ACVR1C: variants seen among roughly 807,000 people sequenced by gnomAD.
ACVR1C encodes the protein activin receptor type-1C.
Under a neutral mutation model 57.9 loss-of-function variants are expected in ACVR1C, and 23 were observed. The ratio of observed to expected loss-of-function variants is 0.40; its 90% CI spans 0.29 to 0.56. The LOEUF (loss-of-function observed/expected upper bound fraction) is 0.56, where lower values mean the gene tolerates loss of function less well. ACVR1C is among the 20% of genes least tolerant of loss of function. ACVR1C has a pLI of 0.50. For synonymous variants in ACVR1C, 214 were observed against 215.3 expected, an observed-to-expected ratio of 0.99 and a Z score of 0.05; for missense variants, 480 against 607.9, an observed-to-expected ratio of 0.79 and a Z score of 2.21.
intron 1 of ACVR1C, among the ~76,000 whole-genome samples, chr2:157,607,506 G>T (rs1196498221): frequency 6.6e-6 from 1 of 151,654 alleles, no homozygotes; most frequent in East Asian, 1.9e-4. Context: ...CTGTGAAAAT[G>T]ACATTAGTAT....
At chr2:157,603,180 A>G (rs1335754575) in intron 1 of ACVR1C, among the ~76,000 whole-genome samples, 2 of 152,234 alleles carry the variant, frequency 1.3e-5, no homozygotes, top group Non-Finnish European at 2.9e-5. Flanking sequence ...CAGATACATC[A>G]TCATCATAAA....
chr2:157,526,981 T>G lies in ACVR1C; in HGVS notation c.*6937A>C, dbSNP rs1317156414. The stretch of plus-strand genomic sequence containing the variant: ...TTAAAAAGCTTTAAAATAAATACTT[T>G]TATGACTTGCTGTTGGTAAAGTTAA... On this transcript the variant is annotated 3_prime_UTR_variant, in exon 9 of 9. Transcript: ENST00000243349. The G allele has an allele frequency of 6.6e-6, 1 of 152,180 alleles. No homozygotes were observed. Among genetic ancestry groups the G allele is most frequent in the Admixed American group, 6.6e-5 (1 of 15,262 alleles). 9.4% of individuals were successfully genotyped at this position (152,180 alleles called of 1,614,324 possible).
At chr2:157,575,410 G>A (rs1573930582) in intron 2 of ACVR1C, among the ~76,000 whole-genome samples, 1 of 152,306 alleles carries the variant, frequency 6.6e-6, no homozygotes, top group South Asian at 2.1e-4. Flanking sequence ...TGGGATTACA[G>A]GCTTCAGCCA....
chr2:157,619,059 CACTT>C, intron 1 of ACVR1C, among the ~76,000 whole-genome samples: 1 of 151,912 alleles, frequency 6.6e-6, no homozygotes, highest in Middle Eastern at 3.4e-3. Flanking sequence ...ACCTAAATGA[CACTT>C]ACAGAACACT....
intron 2 of ACVR1C, among the ~76,000 whole-genome samples, chr2:157,580,265 T>C (rs1007176848): frequency 1.3e-5 from 2 of 152,204 alleles, no homozygotes; most frequent in African/African-American, 4.8e-5. Flanking sequence ...AAGTCAATTA[T>C]ATCTTTCTTC....
intron 8 of ACVR1C, among the ~76,000 whole-genome samples, chr2:157,535,506 A>G (rs1169131023): frequency 2.6e-5 from 4 of 152,218 alleles, no homozygotes; most frequent in African/African-American, 9.6e-5. Context: ...AAAGTGAAAA[A>G]GTACCAATAA....
intron 1 of ACVR1C, among the ~76,000 whole-genome samples, chr2:157,627,053 A>T (rs1051241724): frequency 1.3e-5 from 2 of 152,194 alleles, no homozygotes; most frequent in African/African-American, 4.8e-5. Flanking sequence ...CTGGGTATAC[A>T]ACAAAATATA....
intron 3 of ACVR1C, among the ~76,000 whole-genome samples, chr2:157,555,382 G>T (rs1254822897): frequency 6.6e-6 from 1 of 151,510 alleles, no homozygotes; most frequent in African/African-American, 2.4e-5. Flanking sequence ...GCCTCCCAAA[G>T]TGCTGGGATT....
At position 157,554,279 on chromosome 2, in the gene ACVR1C, G is replaced by GA. The variant is rs1558975183; in HGVS notation, c.544+1813_544+1814insT. Among the ~76,000 whole-genome samples, 225 of 117,210 alleles carry GA rather than the reference G, an allele frequency of 1.9e-3. 8 individuals carry two copies. The highest frequency in any genetic ancestry group is 8.5e-3 in the African/African-American group (212 of 24,968). 76.9% of individuals were successfully genotyped at this position (117,210 alleles called of 152,430 possible). ...AGAAAGAAAGAAAGAAAGGAAGGAA[G>GA]GAAGAGAGAGAGAGAGAGAAAGAAA... On this transcript the variant is annotated intron_variant, in intron 3 of 8. Transcript: ENST00000243349.
intron 1 of ACVR1C, among the ~76,000 whole-genome samples, chr2:157,609,341 T>C (rs1040311331): frequency 6.6e-6 from 1 of 152,034 alleles, no homozygotes; most frequent in Non-Finnish European, 1.5e-5. Flanking sequence ...ATACTTGATA[T>C]GAGTTTAATT....
intron 1 of ACVR1C, among the ~76,000 whole-genome samples, chr2:157,626,921 C>T (rs535762723): frequency 2.6e-5 from 4 of 152,164 alleles, no homozygotes; most frequent in African/African-American, 4.8e-5. Context: ...TTTAAGTGAG[C>T]GACTTTGAAT....
intron 3 of ACVR1C, among the ~76,000 whole-genome samples, chr2:157,554,215 G>GAAAGA (rs1688004893): frequency 1.3e-5 from 1 of 74,080 alleles, no homozygotes; most frequent in Non-Finnish European, 2.6e-5. Context: ...AAGAAAGAAA[G>GAAAGA]AAAGAAAGAA....
chr2:157,542,830 A>G lies in ACVR1C; in HGVS notation c.976T>C (p.Ser326Pro). The G allele has an allele frequency of 1.2e-6, 2 of 1,614,032 alleles. No individual in the cohort carries two copies. Among genetic ancestry groups the G allele is most frequent in the Non-Finnish European group, 1.7e-6 (2 of 1,179,958 alleles). Reference sequence around the variant, plus strand: ...CACTTTTTCACTAAGATATTCTTTGATTTTATGTCTCGATGAGCAATAGCA... The same window carrying G: ...CACTTTTTCACTAAGATATTCTTTGGTTTTATGTCTCGATGAGCAATAGCA... ...KPAIAHRDIK[S>P]KNILVKKCET... is the part of the protein sequence containing the mutation. Residue 326 changes from serine (S) to proline (P), a missense_variant, in exon 6 of 9, where the codon TCA becomes CCA. Physicochemically the swap from Ser to Pro is moderately conservative, Grantham distance 74 (BLOSUM62 -1). Transcript: ENST00000243349.
Position 157,533,269 on chromosome 2 carries a change from T to C in ACVR1C, c.*649A>G, listed in dbSNP as rs983910826. 1 of 152,162 alleles carries C rather than the reference T, an allele frequency of 6.6e-6. No individual in the cohort carries two copies. Among genetic ancestry groups the C allele is most frequent in the Admixed American group, 6.6e-5 (1 of 15,258 alleles). The allele number at this position is 152,162 out of a possible 1,614,324, so 9.4% of individuals were successfully genotyped here. ...CTCAGGATGTCAGGTATCTCTTTTG[T>C]AAATGAAAGGAACAAGTTTAGTGGT... On this transcript the variant is annotated 3_prime_UTR_variant, in exon 9 of 9. Coordinates refer to ENST00000243349, the MANE Select transcript of ACVR1C (RefSeq NM_145259.3).
chr2:157,592,244 C>T (rs186689419), intron 1 of ACVR1C, among the ~76,000 whole-genome samples: 2 of 152,146 alleles, frequency 1.3e-5, no homozygotes, highest in Admixed American at 1.3e-4. Context: ...GCTCTGAGTA[C>T]ATAATCTGAT....
intron 1 of ACVR1C, among the ~76,000 whole-genome samples, chr2:157,623,013 C>G (rs1682817012): frequency 6.6e-6 from 1 of 152,112 alleles, no homozygotes; most frequent in Non-Finnish European, 1.5e-5. Context: ...AAAAGGTGCT[C>G]AACATCACTG....
intron 1 of ACVR1C, among the ~76,000 whole-genome samples, chr2:157,609,617 C>T (rs1465804296): frequency 6.6e-6 from 1 of 151,962 alleles, no homozygotes; most frequent in Non-Finnish European, 1.5e-5. Flanking sequence ...CTCTCTAGAA[C>T]TAGTAATATC....
rs1381530104 is a variant in ACVR1C, at chr2:157,542,810, T to G, written c.996A>C (p.Lys332Asn). 7 of 1,614,018 alleles carry G rather than the reference T, an allele frequency of 4.3e-6. No individual in the cohort carries two copies. Among genetic ancestry groups the G allele is most frequent in the African/African-American group, 1.3e-5 (1 of 74,940 alleles). Residue 332 changes from lysine (K) to asparagine (N), a missense_variant, in exon 6 of 9, where the codon AAA (lysine) becomes AAC (asparagine). Coordinates refer to ENST00000243349, the MANE Select transcript of ACVR1C (RefSeq NM_145259.3). The part of the protein sequence containing the change: ...RDIKSKNILV[K>N]KCETCAIADL... Reference sequence around the variant, plus strand: ...CCGCTATGGCACAAGTTTCACACTTTTTCACTAAGATATTCTTTGATTTTA... The same window carrying G: ...CCGCTATGGCACAAGTTTCACACTTGTTCACTAAGATATTCTTTGATTTTA...
chr2:157,536,763 A>G (rs943053283), intron 8 of ACVR1C, among the ~76,000 whole-genome samples: 1 of 152,178 alleles, frequency 6.6e-6, no homozygotes, highest in African/African-American at 2.4e-5. Context: ...CTAAATAATG[A>G]TGGTATAAAA....
Sources: allele counts gnomAD v4.1 joint callset (sites outside exome capture counted in the v4.1 genomes callset), GRCh38; gene constraint gnomAD v4.1.1; transcripts MANE v1.5; gene names NCBI Gene and HGNC (gene_info 2026-07-23, HGNC 2026-07-21).